The following CLK2 variants were observed in gnomAD, a reference collection of about 807,000 sequenced individuals.
CLK2 encodes dual specificity protein kinase CLK2.
Under a neutral mutation model 73.5 loss-of-function variants are expected in CLK2, and 12 were observed. That is an observed-to-expected ratio of 0.16 (90% CI 0.10 to 0.26). The LOEUF (loss-of-function observed/expected upper bound fraction) is 0.26. Among genes scored for constraint, CLK2 ranks in the 10% least tolerant of loss-of-function variants. CLK2 has a pLI of 1.00. For synonymous variants in CLK2, 232 were observed against 237.9 expected, an observed-to-expected ratio of 0.98 and a Z score of 0.23; for missense variants, 509 against 688.4, an observed-to-expected ratio of 0.74 and a Z score of 2.92.
rs763125375 is a variant in CLK2, at chr1:155,263,243, T to G, written c.1475A>C (p.Asp492Ala). ...TCACCGACTGATATCCCGACTGGAG[T>G]CCCACAACTTGTTGGGCGGCTCAGC... ...LRAEPPNKLWDSSRDISR is the reference protein window; with the variant it reads ...LRAEPPNKLWASSRDISR The change falls in exon 13 of 13, where the codon GAC (aspartate) becomes GCC (alanine). Residue 492 changes from aspartate to alanine, a missense_variant. Physicochemically the swap from Asp to Ala is moderately radical, Grantham distance 126. This residue lies in a region of CLK2 where 134 missense variants were observed against 146.0 expected (regional missense o/e 0.92). Coordinates refer to ENST00000368361, the MANE Select transcript of CLK2 (RefSeq NM_001294338.2). The G allele has an allele frequency of 6.2e-7, 1 of 1,613,754 alleles. No homozygotes were observed. Among genetic ancestry groups the G allele is most frequent in the Non-Finnish European group, 8.5e-7 (1 of 1,179,968 alleles).
Position 155,263,397 on chromosome 1 carries a change from A to G in CLK2, c.1321T>C (p.Tyr441His). The G allele has an allele frequency of 6.2e-7, 1 of 1,614,010 alleles. No individual in the cohort carries two copies. The highest frequency in any genetic ancestry group is 8.5e-7 in the Non-Finnish European group (1 of 1,180,002). ...TGTTCCTCTGCCTCTGAGGTCAGAT[A>G]CCGCTGGTGGAGGAGGGCAGGAAAA... ...VRENCKPLRRYLTSEAEEHHQ... is the reference protein window; with the variant it reads ...VRENCKPLRRHLTSEAEEHHQ... The change falls in exon 13 of 13, where the codon TAT becomes CAT. Residue 441 changes from tyrosine (Y) to histidine (H), a missense_variant. Tyr to His is a moderately conservative substitution (Grantham distance 83). Transcript: ENST00000368361.
intron 2 of CLK2, 56 bp downstream of exon 2, chr1:155,270,752 G>T: frequency 6.5e-7 from 1 of 1,543,806 alleles, no homozygotes. Flanking sequence ...AGTATTTGTT[G>T]AACAAAGGAA....
In CLK2 at chr1:155,270,931, C is replaced by G. The variant is rs1414830821; in HGVS notation, c.47G>C (p.Gly16Ala). The change falls in exon 2 of 13, where the codon GGG becomes GCG. Residue 16 changes from glycine (G) to alanine (A), a missense_variant. Gly to Ala is a moderately conservative substitution (Grantham distance 60, BLOSUM62 0). Around this residue, in one of 6 missense-constraint regions of CLK2, gnomAD observed 222 missense variants for 221.7 expected, o/e 1.00. Transcript: ENST00000368361. ...RYHSSERGSR[G>A]SYREHYRSRK... ...GCTCCGATAGTGTTCACGGTAACTC[C>G]CCCGGCTGCCTCGCTCTGAGGAGTG... The G allele has an allele frequency of 1.9e-6, 3 of 1,614,034 alleles. No homozygotes were observed. In the African/African-American group the frequency reaches 4.0e-5, roughly 22 times the overall value.
Position 155,269,724 on chromosome 1 carries a change from A to G in CLK2, c.171-8T>C, listed in dbSNP as rs766911031. ...GAACGATCATCATAACTGCTGTTGG[A>G]TAACAAATACCAATGAGGTGTATCT... On this transcript the variant is annotated splice_region_variant and splice_polypyrimidine_tract_variant and intron_variant, in intron 2 of 12. Transcript: ENST00000368361. The G allele has an allele frequency of 6.2e-7, 1 of 1,612,650 alleles. No homozygotes were observed. The highest frequency in any genetic ancestry group is 8.5e-7 in the Non-Finnish European group (1 of 1,178,618).
chr1:155,268,441 G>A lies in CLK2; in HGVS notation c.488-82C>T. ...CTGAGTTGGAAGAAAAAAGGGGACA[G>A]CAACCTGGGGTGGAGATGAAGGAAG... On this transcript the variant is annotated intron_variant, in intron 4 of 12. Coordinates refer to ENST00000368361, the MANE Select transcript of CLK2 (RefSeq NM_001294338.2). This position sits in a 1 kb window ranked among gnomAD's most constrained non-coding sequence, Gnocchi z 5.6. 2.7e-6 allele frequency: 3 copies of A among 1,123,660 alleles called. No homozygotes were observed. The highest frequency in any genetic ancestry group is 4.1e-6 in the Non-Finnish European group (3 of 740,280). 69.6% of individuals were successfully genotyped at this position (1,123,660 alleles called of 1,614,324 possible).
intron 7 of CLK2, 72 bp downstream of exon 7, chr1:155,266,656 AG>A: frequency 1.3e-6 from 2 of 1,494,268 alleles, no homozygotes; most frequent in Non-Finnish European, 1.8e-6. Context: ...GGGCTTCACC[AG>A]TGCACAACCG....
chr1:155,271,824 A>G (rs1397057421), intron 1 of CLK2, among the ~76,000 whole-genome samples: 1 of 152,126 alleles, frequency 6.6e-6, no homozygotes, highest in African/African-American at 2.4e-5. Context: ...TTCTACATAT[A>G]CCAGGTAAAC....
At chr1:155,264,407 G>A in intron 10 of CLK2, 61 bp downstream of exon 10, 1 of 1,604,666 alleles carries the variant, frequency 6.2e-7, no homozygotes, top group Non-Finnish European at 8.5e-7. Context: ...GTCCTCAGCA[G>A]AAAACAAAGG....
rs1673051502 is a variant in CLK2 at position 155,263,142 on chromosome 1, T to C, written c.*76A>G. ...AGGAGTGAACTCTGGCTCGTTCTCT[T>C]GTATAAAAAAGCACCAGTGTCCTGG... On this transcript the variant is annotated 3_prime_UTR_variant, in exon 13 of 13. Transcript: ENST00000368361. The C allele has an allele frequency of 2.8e-6, 4 of 1,421,438 alleles. No homozygotes were observed. The East Asian group carries it at 9.4e-5, about 33-fold the overall frequency. The allele number at this position is 1,421,438 out of a possible 1,614,324, so 88.1% of individuals were successfully genotyped here.
chr1:155,267,092 GTT>G (rs1330947756), intron 6 of CLK2, among the ~76,000 whole-genome samples, 197 bp from the exon 7 acceptor site: 1 of 151,994 alleles, frequency 6.6e-6, no homozygotes, highest in East Asian at 1.9e-4. Flanking sequence ...TATCTGCCAG[GTT>G]TTTTTCTTTT....
chr1:155,266,829 C>T lies in CLK2; in HGVS notation c.738G>A (p.Leu246=). 1 of 1,613,174 alleles carries T rather than the reference C, an allele frequency of 6.2e-7. No individual in the cohort carries two copies. Among genetic ancestry groups the T allele is most frequent in the Non-Finnish European group, 8.5e-7 (1 of 1,179,650 alleles). ...TGAGGAAATCGAAGGTGCTAAGGCC[C>T]AGAAGCTCAAAGGAGATACACATGT... ...HGHMCISFEL[L]GLSTFDFLKD... The change falls in exon 7 of 13, where the codon CTG becomes CTA. Residue 246 remains leucine (L), a synonymous_variant. Coordinates refer to ENST00000368361, the MANE Select transcript of CLK2 (RefSeq NM_001294338.2).
chr1:155,263,951 C>T lies in CLK2; in HGVS notation c.1316G>A (p.Arg439Gln), dbSNP rs754830374. The T allele has an allele frequency of 6.4e-5, 103 of 1,613,834 alleles. No individual in the cohort carries two copies. Among genetic ancestry groups the T allele is most frequent in the Non-Finnish European group, 8.1e-5 (95 of 1,179,876 alleles). Residue 439 changes from arginine (R) to glutamine (Q), a missense_variant and splice_region_variant, in exon 12 of 13, where the codon CGG becomes CAG. Around this residue, in one of 6 missense-constraint regions of CLK2, gnomAD observed 134 missense variants for 146.0 expected, o/e 0.92. Transcript: ENST00000368361. ...CTATTTATCCCGAGCCCAGCTCACC[C>T]GCAGCGGTTTGCAGTTCTCACGAAC... ...RYVRENCKPL[R>Q]RYLTSEAEEH...
At chr1:155,263,652 T>A in intron 12 of CLK2, 1 of 984,974 alleles carries the variant, frequency 1.0e-6, no homozygotes, top group Non-Finnish European at 1.2e-6. Flanking sequence ...TGAATCTTCT[T>A]TAGTTCCTCA....
intron 2 of CLK2, among the ~76,000 whole-genome samples, chr1:155,270,580 A>AC (rs34467038): frequency 0.4 from 60,211 of 151,876 alleles, 14,306 homozygotes; most frequent in East Asian, 0.7. Context: ...TATCTGAATT[A>AC]ACATCCTGCC....
Position 155,268,263 on chromosome 1 carries a change from C to A in CLK2, c.554+30G>T, listed in dbSNP as rs758093922. ...ATATAACCCCAACCATCTCTTTAGC[C>A]CCACATAGTAGGGAGGGACTGACAG... On this transcript the variant is annotated intron_variant, in intron 5 of 12. Transcript: ENST00000368361. This position sits in a 1 kb window ranked among gnomAD's most constrained non-coding sequence, Gnocchi z 5.6. The A allele has an allele frequency of 6.2e-7, 1 of 1,609,712 alleles. No homozygotes were observed. Among genetic ancestry groups the A allele is most frequent in the South Asian group, 1.1e-5 (1 of 90,998 alleles).
In CLK2 at chr1:155,273,465, T is replaced by C. The variant is rs1673611899; in HGVS notation, c.-265A>G. 6.5e-6 allele frequency: 1 copy of C among 153,154 alleles called. No individual in the cohort carries two copies. The highest frequency in any genetic ancestry group is 1.5e-5 in the Non-Finnish European group (1 of 68,724). The allele number at this position is 153,154 out of a possible 1,614,324, so 9.5% of individuals were successfully genotyped here. A position where few individuals can be genotyped will look rare whatever the true frequency, so the allele number is the denominator to read the frequency against. On this transcript the variant is annotated 5_prime_UTR_variant, in exon 1 of 13. Coordinates refer to ENST00000368361, the MANE Select transcript of CLK2 (RefSeq NM_001294338.2). Reference sequence around the variant, plus strand: ...CAGCTCGGTCTCCGGCTCTGGCCTCTCCGCTCCGCCGCCGCCGCCGTGAGC... The same window carrying C: ...CAGCTCGGTCTCCGGCTCTGGCCTCCCCGCTCCGCCGCCGCCGCCGTGAGC...
Position 155,264,761 on chromosome 1 carries a change from C to T in CLK2, c.947G>A (p.Arg316His), listed in dbSNP as rs779370556. 10 of 1,614,102 alleles carry T rather than the reference C, an allele frequency of 6.2e-6. No individual in the cohort carries two copies. The highest frequency in any genetic ancestry group is 2.2e-5 in the East Asian group (1 of 44,904). ...TYNLEKKRDE[R>H]SVKSTAVRVV... ...CCGCACAGCTGTGCTCTTCACACTG[C>T]GCTCATCTCGCTTCTAGGAGCAGAG... The change falls in exon 9 of 13, where the codon CGC becomes CAC. Residue 316 changes from arginine (R) to histidine (H), a missense_variant. Around this residue, in one of 6 missense-constraint regions of CLK2, gnomAD observed 48 missense variants for 144.9 expected, o/e 0.33. Transcript: ENST00000368361.
At position 155,268,491 on chromosome 1, in the gene CLK2, G is replaced by C; in HGVS notation, c.488-132C>G. On this transcript the variant is annotated intron_variant, in intron 4 of 12. Coordinates refer to ENST00000368361, the MANE Select transcript of CLK2 (RefSeq NM_001294338.2). This position sits in a 1 kb window ranked among gnomAD's most constrained non-coding sequence, Gnocchi z 5.6. ...GGGGAACAGATACAGATGGTCACAG[G>C]GGAAGAAAACCCCTGCGTGATTCCC... 2 of 821,600 alleles carry C rather than the reference G, an allele frequency of 2.4e-6. No individual in the cohort carries two copies. The highest frequency in any genetic ancestry group is 2.5e-5 in the East Asian group (1 of 39,402). 50.9% of individuals were successfully genotyped at this position (821,600 alleles called of 1,614,324 possible).
intron 1 of CLK2, among the ~76,000 whole-genome samples, chr1:155,271,418 G>A (rs144829314): frequency 2.2e-4 from 33 of 152,274 alleles, no homozygotes; most frequent in African/African-American, 7.7e-4. Flanking sequence ...TAGAGACGGG[G>A]TTTCACCATG....
Sources: gnomAD v4.1 joint callset for allele counts (sites outside exome capture counted in the v4.1 genomes callset) on GRCh38, gnomAD v4.1.1 for gene constraint, gnomAD v4.1.1 regional missense constraint, Gnocchi (gnomAD v3.1) non-coding constraint, MANE v1.5 for transcripts, NCBI Gene and HGNC (gene_info 2026-07-23, HGNC 2026-07-21) for gene names.